UGGT2: variants seen among roughly 807,000 people sequenced by gnomAD.
UGGT2 encodes UDP-glucose:glycoprotein glucosyltransferase 2.
In UGGT2, 180 loss-of-function variants were observed where a neutral mutation model predicts 192.1. That is an observed-to-expected ratio of 0.94 (90% CI 0.83 to 1.06). UGGT2 has a LOEUF of 1.06. UGGT2 is among the 50% of genes least tolerant of loss of function. UGGT2 has a pLI of 0.00. For synonymous variants in UGGT2, 580 were observed against 591.0 expected (o/e 0.98, Z 0.27); for missense variants, 1,849 against 1,795.7 (o/e 1.03, Z -0.54).
chr13:95,939,312 C>G (rs1282881245), intron 16 of UGGT2, among the ~76,000 whole-genome samples: 1 of 152,196 alleles, frequency 6.6e-6, no homozygotes, highest in Non-Finnish European at 1.5e-5. Flanking sequence ...TTAAATATCA[C>G]TTCTTCAGAA....
intron 15 of UGGT2, among the ~76,000 whole-genome samples, chr13:95,940,939 C>A (rs1436790668): frequency 6.6e-6 from 1 of 152,124 alleles, no homozygotes; most frequent in Non-Finnish European, 1.5e-5. Flanking sequence ...CTCTACTCTT[C>A]CCCAGTCTCA....
At chr13:96,038,887 A>G (rs2053083712) in intron 1 of UGGT2, among the ~76,000 whole-genome samples, 1 of 152,156 alleles carries the variant, frequency 6.6e-6, no homozygotes, top group Non-Finnish European at 1.5e-5. Flanking sequence ...AAATTTTATC[A>G]TCTAAATCAT....
At chr13:95,937,478 AT>A (rs2049504457) in intron 16 of UGGT2, among the ~76,000 whole-genome samples, 1 of 152,200 alleles carries the variant, frequency 6.6e-6, no homozygotes, top group African/African-American at 2.4e-5. Flanking sequence ...CATTAACTTA[AT>A]AAACATCCAA....
intron 5 of UGGT2, among the ~76,000 whole-genome samples, chr13:96,003,281 T>A (rs926922877): frequency 1.3e-5 from 2 of 152,166 alleles, no homozygotes; most frequent in Non-Finnish European, 2.9e-5. Flanking sequence ...TGAACCTGCA[T>A]CATAAAATTA....
At chr13:96,005,132 A>G (rs1413731560) in intron 5 of UGGT2, among the ~76,000 whole-genome samples, 2 of 152,210 alleles carry the variant, frequency 1.3e-5, no homozygotes, top group Non-Finnish European at 2.9e-5. Flanking sequence ...GCATATACAA[A>G]AAGTTTATTA....
At chr13:95,854,773 A>C (rs1256718867) in intron 34 of UGGT2, among the ~76,000 whole-genome samples, 1 of 152,140 alleles carries the variant, frequency 6.6e-6, no homozygotes, top group Non-Finnish European at 1.5e-5. Context: ...CATTTGGGGA[A>C]GGGGTTAAAT....
At chr13:95,923,591 TA>T (rs1027188966) in intron 20 of UGGT2, among the ~76,000 whole-genome samples, 8 of 151,970 alleles carry the variant, frequency 5.3e-5, no homozygotes, top group African/African-American at 1.7e-4. Context: ...TCAGAGGTAA[TA>T]AAAAAATAAG....
Position 95,902,970 on chromosome 13 carries a change from C to A in UGGT2, c.2386G>T (p.Ala796Ser). The A allele has an allele frequency of 6.2e-7, 1 of 1,613,446 alleles. No homozygotes were observed. ...ATGTTCTTCTGTGTAAGAAAAGCTG[C>A]CAAAATTCCTCTAGAAATAGCTGTG... The part of the protein sequence containing the change: ...ENTAISRGIL[A>S]AFLTQKNMFL... Residue 796 changes from alanine (A) to serine (S), a missense_variant, in exon 21 of 39, where the codon GCA becomes TCA. By Grantham distance (99) the Ala-to-Ser change is moderately conservative. Transcript: ENST00000376747.
chr13:95,871,126 T>C (rs1217222738), intron 29 of UGGT2, among the ~76,000 whole-genome samples: 1 of 152,178 alleles, frequency 6.6e-6, no homozygotes. Flanking sequence ...CTGTGATCAA[T>C]AGTGAATTCA....
chr13:95,958,663 C>A (rs1337770358), intron 12 of UGGT2, among the ~76,000 whole-genome samples: 4 of 150,400 alleles, frequency 2.7e-5, no homozygotes, highest in Non-Finnish European at 5.9e-5. Context: ...CTTGCCTCTT[C>A]CATGGAAAGG....
At chr13:96,017,086 G>A (rs967057283) in intron 4 of UGGT2, among the ~76,000 whole-genome samples, 6 of 152,124 alleles carry the variant, frequency 3.9e-5, no homozygotes, top group Admixed American at 6.6e-5. Context: ...CTTTGGTAAC[G>A]GGAATGTTTA....
At chr13:96,016,937 T>C (rs2052358056) in intron 4 of UGGT2, among the ~76,000 whole-genome samples, 1 of 152,162 alleles carries the variant, frequency 6.6e-6, no homozygotes, top group African/African-American at 2.4e-5. Flanking sequence ...GCCCAAGGCC[T>C]AGGGAGCCCA....
chr13:95,837,653 C>T (rs1472153647), intron 36 of UGGT2, among the ~76,000 whole-genome samples: 2 of 152,188 alleles, frequency 1.3e-5, no homozygotes, highest in Non-Finnish European at 2.9e-5. Context: ...TCAGAGCTCT[C>T]TAAGTAAAGA....
At chr13:96,036,704 G>A (rs924755536) in intron 1 of UGGT2, among the ~76,000 whole-genome samples, 3 of 152,098 alleles carry the variant, frequency 2.0e-5, no homozygotes, top group African/African-American at 7.2e-5. Flanking sequence ...ACATCCTTGA[G>A]ACCATCTAAA....
chr13:95,928,488 G>A (rs1280702612), intron 17 of UGGT2, among the ~76,000 whole-genome samples: 6 of 151,538 alleles, frequency 4.0e-5, no homozygotes, highest in Admixed American at 6.6e-5. Context: ...CGGGGCAGCC[G>A]GTCAGAGACG....
In UGGT2 at chr13:96,023,514, G is replaced by A. The variant is rs529649112; in HGVS notation, c.372+115C>T. The A allele has an allele frequency of 3.6e-6, 4 of 1,096,978 alleles. No individual in the cohort carries two copies. The East Asian group carries it at 8.3e-5, about 23-fold the overall frequency. 68.0% of individuals were successfully genotyped at this position (1,096,978 alleles called of 1,614,324 possible). On this transcript the variant is annotated intron_variant, in intron 3 of 38. Transcript: ENST00000376747. The stretch of plus-strand genomic sequence containing the variant: ...AATAATATAATCAATGATAGGCTAT[G>A]GAACCAACTATAAACTTGTAGATCA...
At chr13:95,930,752 G>A (rs189070456) in intron 17 of UGGT2, among the ~76,000 whole-genome samples, 36 of 152,186 alleles carry the variant, frequency 2.4e-4, no homozygotes, top group Middle Eastern at 3.4e-3. Flanking sequence ...GTGGACCCTC[G>A]CGGTGAGTGT....
chr13:95,826,973 T>C (rs2139835481), intron 38 of UGGT2, among the ~76,000 whole-genome samples: 1 of 152,304 alleles, frequency 6.6e-6, no homozygotes, highest in East Asian at 1.9e-4. Flanking sequence ...TAAAGTGGTA[T>C]GTACTTGGCA....
chr13:96,010,903 T>C (rs537952538), intron 5 of UGGT2, among the ~76,000 whole-genome samples: 12 of 152,296 alleles, frequency 7.9e-5, no homozygotes, highest in African/African-American at 1.9e-4. Context: ...CAGTGTAGTA[T>C]TGATGTTGGG....
Sources: allele counts gnomAD v4.1 joint callset (sites outside exome capture counted in the v4.1 genomes callset), GRCh38; gene constraint gnomAD v4.1.1; transcripts MANE v1.5; gene names NCBI Gene and HGNC (gene_info 2026-07-23, HGNC 2026-07-21).